Variants in HPSE observed in about 807,000 individuals in gnomAD.
HPSE encodes the protein heparanase.
A neutral mutation model predicts 65.1 loss-of-function variants in HPSE; 48 were observed. That is an observed-to-expected ratio of 0.74 (90% CI 0.58 to 0.94). The LOEUF (loss-of-function observed/expected upper bound fraction) is 0.94, where lower values mean the gene tolerates loss of function less well. HPSE is among the 40% of genes least tolerant of loss of function. The pLI, the probability that HPSE is intolerant of heterozygous loss-of-function variation, is 0.00. For synonymous variants in HPSE, 243 were observed against 260.0 expected, an observed-to-expected ratio of 0.93 and a Z score of 0.63; for missense variants, 644 against 637.5, an observed-to-expected ratio of 1.01 and a Z score of -0.11.
intron 3 of HPSE, among the ~76,000 whole-genome samples, chr4:83,313,587 A>G (rs1432390740): frequency 6.6e-6 from 1 of 152,236 alleles, no homozygotes; most frequent in African/African-American, 2.4e-5. Context: ...TTTATAGCTC[A>G]GTGCTCCACA....
intron 4 of HPSE, among the ~76,000 whole-genome samples, chr4:83,312,813 C>T (rs1204938401): frequency 2.5e-5 from 3 of 118,592 alleles, no homozygotes; most frequent in South Asian, 5.6e-4. Flanking sequence ...CTGGCTAACA[C>T]GGTGAAACCC....
chr4:83,326,799 G>A lies in HPSE; in HGVS notation c.228-4435C>T, dbSNP rs761136549. Reference sequence around the variant, plus strand: ...GGCATTTTGATTGGGTTTGATGATAGAGGAACCTCATTTAGATTCCTCTAG... The same window carrying A: ...GGCATTTTGATTGGGTTTGATGATAAAGGAACCTCATTTAGATTCCTCTAG... On this transcript the variant is annotated intron_variant, in intron 1 of 11. Transcript: ENST00000311412. This position sits in a 1 kb window ranked among gnomAD's most constrained non-coding sequence, Gnocchi z 4.2. 1.3e-5 allele frequency among the ~76,000 whole-genome samples: 2 copies of A among 152,190 alleles called. No homozygotes were observed. The highest frequency in any genetic ancestry group is 2.9e-5 in the Non-Finnish European group (2 of 68,034).
At chr4:83,333,010 T>C (rs184268612) in intron 1 of HPSE, among the ~76,000 whole-genome samples, 2 of 150,488 alleles carry the variant, frequency 1.3e-5, no homozygotes, top group East Asian at 4.0e-4. Flanking sequence ...ACAATCTTCC[T>C]ATCCCCCAAC....
In HPSE at chr4:83,295,042, G is replaced by T. The variant is rs1430508582; in HGVS notation, c.*302C>A. 1 of 156,614 alleles carries T rather than the reference G, an allele frequency of 6.4e-6. No individual in the cohort carries two copies. The highest frequency in any genetic ancestry group is 1.8e-4 in the East Asian group (1 of 5,574). 9.7% of individuals were successfully genotyped at this position (156,614 alleles called of 1,614,324 possible). On this transcript the variant is annotated 3_prime_UTR_variant, in exon 12 of 12. Transcript: ENST00000311412. The stretch of plus-strand genomic sequence containing the variant: ...GGCACTCCAGCCTGGGTGACAGAGA[G>T]AGATTCTGTCTCAAAATAAATAAAT...
intron 11 of HPSE, among the ~76,000 whole-genome samples, chr4:83,300,395 T>A (rs898835985): frequency 3.3e-5 from 5 of 152,206 alleles, no homozygotes; most frequent in African/African-American, 4.8e-5. Flanking sequence ...GAGTAAATAA[T>A]TTAAATGCGT....
intron 6 of HPSE, 61 bp from the exon 7 acceptor site, chr4:83,309,556 T>G (rs1011593021): frequency 1.1e-5 from 10 of 933,256 alleles, no homozygotes; most frequent in Non-Finnish European, 1.7e-5. Flanking sequence ...GCTTTTAGGT[T>G]AATTGCTGAC....
intron 1 of HPSE, among the ~76,000 whole-genome samples, chr4:83,330,468 C>A (rs1475698130): frequency 6.6e-6 from 1 of 152,222 alleles, no homozygotes; most frequent in Non-Finnish European, 1.5e-5. Context: ...CTTTGTTTCC[C>A]TTTGGCTGTG....
At chr4:83,316,127 A>G (rs1190708257) in intron 3 of HPSE, among the ~76,000 whole-genome samples, 1 of 151,926 alleles carries the variant, frequency 6.6e-6, no homozygotes, top group Non-Finnish European at 1.5e-5. Context: ...CCCGGGTTCA[A>G]GTGATTCTCC....
At position 83,312,034 on chromosome 4, in the gene HPSE, G is replaced by A. The variant is rs551741641; in HGVS notation, c.673+1080C>T. On this transcript the variant is annotated intron_variant, in intron 4 of 11. Transcript: ENST00000311412. ...ATTCTATACTGGCAAGTTCTAGACC[G>A]TTTGGGCAGGTAATGAAGGTTGCAA... Among the ~76,000 whole-genome samples the A allele has an allele frequency of 3.3e-5, 5 of 152,278 alleles. No homozygotes were observed. In the East Asian group the frequency reaches 5.8e-4, roughly 18 times the overall value.
At chr4:83,302,995 C>A (rs1222081438) in intron 9 of HPSE, among the ~76,000 whole-genome samples, 1 of 152,114 alleles carries the variant, frequency 6.6e-6, no homozygotes, top group Non-Finnish European at 1.5e-5. Flanking sequence ...TTAAAAAAAT[C>A]TTAAAAAAAA....
intron 11 of HPSE, among the ~76,000 whole-genome samples, chr4:83,297,839 A>T (rs1362965100): frequency 6.6e-6 from 1 of 152,242 alleles, no homozygotes; most frequent in Non-Finnish European, 1.5e-5. Flanking sequence ...AAACAAAAAT[A>T]GGTCTTGAAA....
chr4:83,307,000 C>T (rs1736167420), intron 8 of HPSE, among the ~76,000 whole-genome samples: 1 of 152,138 alleles, frequency 6.6e-6, no homozygotes, highest in African/African-American at 2.4e-5. Context: ...TCTGCCATCC[C>T]ATCCAGGAAC....
chr4:83,309,450 G>A lies in HPSE; in HGVS notation c.936C>T (p.Asn312=), dbSNP rs1365019342. 2.5e-6 allele frequency: 4 copies of A among 1,593,684 alleles called. No homozygotes were observed. The highest frequency in any genetic ancestry group is 3.4e-5 in the Admixed American group (2 of 58,714). Residue 312 remains asparagine (N), a synonymous_variant, in exon 7 of 12, where the codon AAC becomes AAT. Transcript: ENST00000311412. The part of the protein sequence containing the change: ...GRTATKEDFL[N]PDVLDIFISS... ...AAATAAAAATGTCCAATACATCAGG[G>A]TTTAGAAAATCTTCCTTGGTAGCAG...
At chr4:83,312,568 C>A (rs561622679) in intron 4 of HPSE, among the ~76,000 whole-genome samples, 1 of 149,020 alleles carries the variant, frequency 6.7e-6, no homozygotes, top group East Asian at 2.0e-4. Context: ...GTCCCAGCTA[C>A]TCGGGAGGCT....
At chr4:83,318,633 C>CT (rs1249813589) in intron 3 of HPSE, among the ~76,000 whole-genome samples, 1 of 148,922 alleles carries the variant, frequency 6.7e-6, no homozygotes, top group Admixed American at 6.7e-5. Flanking sequence ...TCTCTTGAAC[C>CT]TGGGAGGCGG....
intron 11 of HPSE, among the ~76,000 whole-genome samples, chr4:83,299,418 A>G (rs1735856324): frequency 6.7e-6 from 1 of 148,980 alleles, no homozygotes; most frequent in Admixed American, 6.7e-5. Flanking sequence ...TACAGAGGCT[A>G]TGTTGGAAAG....
intron 11 of HPSE, among the ~76,000 whole-genome samples, chr4:83,297,174 T>C (rs1458778669): frequency 6.6e-6 from 1 of 152,184 alleles, no homozygotes; most frequent in Non-Finnish European, 1.5e-5. Flanking sequence ...TACAGGTTTG[T>C]AGCCTAGGAG....
chr4:83,321,111 T>C (rs1452829391), intron 2 of HPSE, among the ~76,000 whole-genome samples: 1 of 152,140 alleles, frequency 6.6e-6, no homozygotes, highest in East Asian at 1.9e-4. Context: ...GGTGGGAAGA[T>C]TGCTTGAGCC....
At chr4:83,302,401 T>C (rs1735987030) in intron 9 of HPSE, 133 bp from the exon 10 acceptor site, 3 of 606,586 alleles carry the variant, frequency 4.9e-6, no homozygotes, top group African/African-American at 1.9e-5. Flanking sequence ...TTAAATAGGA[T>C]TCATCTTTTT....
Sources: allele counts gnomAD v4.1 joint callset (sites outside exome capture counted in the v4.1 genomes callset), GRCh38; gene constraint gnomAD v4.1.1; non-coding constraint Gnocchi (gnomAD v3.1); transcripts MANE v1.5; gene names NCBI Gene and HGNC (gene_info 2026-07-23, HGNC 2026-07-21).